Variants in PDGFC observed in about 807,000 individuals in gnomAD.
The protein encoded by PDGFC is platelet-derived growth factor C.
PDGFC carries 12 observed loss-of-function variants against 35.5 expected under a neutral mutation model. The ratio of observed to expected loss-of-function variants is 0.34; its 90% confidence interval spans 0.22 to 0.55. The LOEUF (loss-of-function observed/expected upper bound fraction) is 0.55, where lower values mean the gene tolerates loss of function less well. Among genes scored for constraint, PDGFC ranks in the 20% least tolerant of loss-of-function variants. The pLI, the probability that PDGFC is intolerant of heterozygous loss-of-function variation, is 0.91. For synonymous variants in PDGFC, 159 were observed against 148.8 expected (o/e 1.07, Z -0.50); for missense variants, 322 against 412.4 (o/e 0.78, Z 1.90).
rs1417969607 is a variant in PDGFC, at chr4:156,963,356, G to C, written c.118+7430C>G. On this transcript the variant is annotated intron_variant, in intron 1 of 5. Transcript: ENST00000502773. ...GTGGTGGCACACACCTGTAATCCCAGCTACTTGGAAGGCTGAAAAGGGAAC... is the reference window on the plus strand; with the variant it reads ...GTGGTGGCACACACCTGTAATCCCACCTACTTGGAAGGCTGAAAAGGGAAC... 2.8e-4 allele frequency among the ~76,000 whole-genome samples: 43 copies of C among 152,016 alleles called. 1 individual carries two copies. The highest frequency in any genetic ancestry group is 2.9e-5 in the Non-Finnish European group (2 of 67,998).
intron 1 of PDGFC, among the ~76,000 whole-genome samples, chr4:156,924,125 A>G (rs1057473133): frequency 1.3e-5 from 2 of 152,232 alleles, no homozygotes; most frequent in African/African-American, 4.8e-5. Context: ...AAGCCACTCA[A>G]TATGTTGGCC....
chr4:156,766,159 A>T (rs957731034), intron 5 of PDGFC, among the ~76,000 whole-genome samples: 1 of 152,164 alleles, frequency 6.6e-6, no homozygotes, highest in African/African-American at 2.4e-5. Flanking sequence ...TTGAAATAGT[A>T]AAAGTTCTCT....
In PDGFC at chr4:156,971,605, A is replaced by G. The variant is rs1187900343; in HGVS notation, c.-702T>C. Among the ~76,000 whole-genome samples, 2 of 151,452 alleles carry G rather than the reference A, an allele frequency of 1.3e-5. No individual in the cohort carries two copies. Among genetic ancestry groups the G allele is most frequent in the East Asian group, 4.0e-4 (2 of 5,062 alleles). ...GGCCCCGGGTTCGGAGCGCCGCAGCACGGATTCCGGCACCTGGCTTGAGTT... is the reference window on the plus strand; with the variant it reads ...GGCCCCGGGTTCGGAGCGCCGCAGCGCGGATTCCGGCACCTGGCTTGAGTT... On this transcript the variant is annotated 5_prime_UTR_variant, in exon 1 of 6. Coordinates refer to ENST00000502773, the MANE Select transcript of PDGFC (RefSeq NM_016205.3).
intron 1 of PDGFC, among the ~76,000 whole-genome samples, chr4:156,920,888 G>A (rs1731260027): frequency 6.6e-6 from 1 of 152,194 alleles, no homozygotes. Context: ...GTAGGCTGGA[G>A]TGTAGTTGTT....
chr4:156,931,869 T>C (rs1446514109), intron 1 of PDGFC, among the ~76,000 whole-genome samples: 1 of 152,176 alleles, frequency 6.6e-6, no homozygotes, highest in Non-Finnish European at 1.5e-5. Context: ...TGGAATGTAC[T>C]TTTATCTTTT....
chr4:156,768,053 C>T (rs1430551912), intron 4 of PDGFC, 63 bp from the exon 5 acceptor site: 4 of 923,236 alleles, frequency 4.3e-6, no homozygotes, highest in Non-Finnish European at 7.0e-6. Flanking sequence ...GAATGTATTT[C>T]ATTAAGCTCT....
chr4:156,811,904 T>C (rs1160875194), intron 2 of PDGFC, among the ~76,000 whole-genome samples: 3 of 151,986 alleles, frequency 2.0e-5, no homozygotes, highest in Non-Finnish European at 4.4e-5. Flanking sequence ...TGCCCAACAA[T>C]GGAAAGTTCT....
chr4:156,888,002 TA>T (rs35591023), intron 1 of PDGFC, among the ~76,000 whole-genome samples: 13,619 of 125,702 alleles, frequency 0.11, 761 homozygotes, highest in South Asian at 0.24. Flanking sequence ...AACCCCGTCT[TA>T]AAAAAAAAAA....
chr4:156,772,761 A>G lies in PDGFC; in HGVS notation c.628T>C (p.Leu210=). ...GGCCTATATAGATCTTCTAAGTCCA[A>G]CTGCCATCTCTCTGGTTCAAGATAT... ...IRYLEPERWQ[L]DLEDLYRPTW... Residue 210 remains leucine, a synonymous_variant, in exon 4 of 6, where the codon TTG becomes CTG. Transcript: ENST00000502773. The G allele has an allele frequency of 6.2e-7, 1 of 1,613,580 alleles. No homozygotes were observed. Among genetic ancestry groups the G allele is most frequent in the Non-Finnish European group, 8.5e-7 (1 of 1,179,576 alleles).
chr4:156,898,429 T>C (rs1730687176), intron 1 of PDGFC, among the ~76,000 whole-genome samples: 1 of 152,162 alleles, frequency 6.6e-6, no homozygotes, highest in Admixed American at 6.5e-5. Flanking sequence ...TATTGACAAA[T>C]GCCTATAAGT....
At chr4:156,925,027 T>A (rs1414700196) in intron 1 of PDGFC, among the ~76,000 whole-genome samples, 1 of 152,054 alleles carries the variant, frequency 6.6e-6, no homozygotes, top group Non-Finnish European at 1.5e-5. Flanking sequence ...GAGGAGAACT[T>A]TATGCTGGAA....
intron 1 of PDGFC, among the ~76,000 whole-genome samples, chr4:156,927,892 C>A: frequency 6.6e-6 from 1 of 152,072 alleles, no homozygotes; most frequent in East Asian, 1.9e-4. Context: ...TTTCATGCTG[C>A]TGATAAAGAC....
intron 1 of PDGFC, among the ~76,000 whole-genome samples, chr4:156,862,988 C>T (rs778653785): frequency 3.3e-5 from 5 of 152,044 alleles, no homozygotes; most frequent in Admixed American, 6.6e-5. Context: ...CCACCACAAC[C>T]GGCCTATGTA....
intron 1 of PDGFC, among the ~76,000 whole-genome samples, chr4:156,852,620 A>G (rs1419490353): frequency 6.6e-6 from 1 of 151,974 alleles, no homozygotes; most frequent in African/African-American, 2.4e-5. Context: ...CCTCTCCTTG[A>G]GTGTGTGAAA....
At chr4:156,959,788 G>A (rs949961253) in intron 1 of PDGFC, among the ~76,000 whole-genome samples, 1 of 151,912 alleles carries the variant, frequency 6.6e-6, no homozygotes, top group Non-Finnish European at 1.5e-5. Flanking sequence ...AACAAAGATT[G>A]CAAGGGAAAT....
At chr4:156,829,937 C>T (rs1275111076) in intron 2 of PDGFC, among the ~76,000 whole-genome samples, 1 of 151,894 alleles carries the variant, frequency 6.6e-6, no homozygotes, top group Non-Finnish European at 1.5e-5. Flanking sequence ...AGTCTCAAAC[C>T]ACTTGGTAGT....
chr4:156,951,087 A>G (rs1732069295), intron 1 of PDGFC, among the ~76,000 whole-genome samples: 1 of 151,912 alleles, frequency 6.6e-6, no homozygotes, highest in Non-Finnish European at 1.5e-5. Flanking sequence ...TTCATTCACT[A>G]AACAAATAAT....
At chr4:156,847,514 C>T (rs1729354074) in intron 2 of PDGFC, among the ~76,000 whole-genome samples, 1 of 151,808 alleles carries the variant, frequency 6.6e-6, no homozygotes, top group Admixed American at 6.6e-5. Context: ...CGAGACATTA[C>T]AACTAAATGC....
chr4:156,763,739 A>C (rs1039775838), intron 5 of PDGFC, among the ~76,000 whole-genome samples: 1 of 152,186 alleles, frequency 6.6e-6, no homozygotes, highest in Non-Finnish European at 1.5e-5. Flanking sequence ...TCCTCTATAA[A>C]CTTGATGAGA....
Sources: allele counts gnomAD v4.1 joint callset (sites outside exome capture counted in the v4.1 genomes callset), GRCh38; gene constraint gnomAD v4.1.1; transcripts MANE v1.5; gene names NCBI Gene and HGNC (gene_info 2026-07-23, HGNC 2026-07-21).